PRKG1: variants seen among roughly 807,000 people sequenced by gnomAD.
The protein encoded by PRKG1 is cGMP-dependent protein kinase 1.
Under a neutral mutation model 88.1 loss-of-function variants are expected in PRKG1, and 35 were observed. That is an observed-to-expected ratio of 0.40 (90% confidence interval 0.30 to 0.53). The LOEUF is 0.53. PRKG1 is among the 20% of genes least tolerant of loss of function. The probability of loss-of-function intolerance (pLI) is 0.59; values close to 1 mark genes in which losing one functional copy is unlikely to be tolerated. For missense variants in PRKG1, 540 were observed against 839.8 expected (o/e 0.64, Z 4.41); for synonymous variants, 303 against 292.5 (o/e 1.04, Z -0.37).
chr10:51,606,320 A>G (rs531584725), intron 3 of PRKG1, among the ~76,000 whole-genome samples: 1 of 152,324 alleles, frequency 6.6e-6, no homozygotes, highest in East Asian at 1.9e-4. Context: ...TAAACCTGGT[A>G]ATCAAACTGG....
At chr10:51,232,874 T>C (rs1838883259) in intron 2 of PRKG1, among the ~76,000 whole-genome samples, 1 of 152,194 alleles carries the variant, frequency 6.6e-6, no homozygotes, top group South Asian at 2.1e-4. Flanking sequence ...TTTCCATTTC[T>C]AGCTATGATT....
intron 4 of PRKG1, among the ~76,000 whole-genome samples, chr10:51,885,014 A>T (rs952662610): frequency 1.5e-4 from 23 of 152,322 alleles, no homozygotes; most frequent in African/African-American, 5.3e-4. Flanking sequence ...TAAGGAATAG[A>T]CCCTTGAAAG....
At chr10:51,635,417 CA>C (rs1413666485) in intron 3 of PRKG1, among the ~76,000 whole-genome samples, 1 of 151,260 alleles carries the variant, frequency 6.6e-6, no homozygotes, top group Non-Finnish European at 1.5e-5. Context: ...AAAATAAGAG[CA>C]AAAATATTTT....
At chr10:51,979,291 A>C (rs1022642378) in intron 5 of PRKG1, among the ~76,000 whole-genome samples, 2 of 151,844 alleles carry the variant, frequency 1.3e-5, no homozygotes, top group African/African-American at 4.8e-5. Flanking sequence ...CCAACCTTGA[A>C]TCTTAGGGAT....
chr10:51,485,532 A>C (rs931745368), intron 3 of PRKG1, among the ~76,000 whole-genome samples: 2 of 152,208 alleles, frequency 1.3e-5, no homozygotes, highest in Non-Finnish European at 2.9e-5. Flanking sequence ...AAGTGATATT[A>C]TGAAGAAAGA....
intron 2 of PRKG1, among the ~76,000 whole-genome samples, chr10:51,340,131 C>T (rs1047593049): frequency 6.6e-6 from 1 of 152,146 alleles, no homozygotes; most frequent in Admixed American, 6.5e-5. Context: ...GAAATAGTTG[C>T]CACTTTGTTG....
chr10:52,039,341 T>C (rs1282718997), intron 5 of PRKG1, among the ~76,000 whole-genome samples: 1 of 152,008 alleles, frequency 6.6e-6, no homozygotes, highest in African/African-American at 2.4e-5. Context: ...GGGTGCTTTT[T>C]GAGCCAGGAT....
chr10:51,376,453 C>A (rs548618990), intron 2 of PRKG1, among the ~76,000 whole-genome samples: 1 of 152,122 alleles, frequency 6.6e-6, no homozygotes, highest in Admixed American at 6.5e-5. Context: ...GTCTTATTCT[C>A]CTGAGCAGTT....
At chr10:51,209,820 G>A (rs1327376863) in intron 2 of PRKG1, among the ~76,000 whole-genome samples, 1 of 152,098 alleles carries the variant, frequency 6.6e-6, no homozygotes, top group Non-Finnish European at 1.5e-5. Context: ...AATTCCCATT[G>A]TGCTCATATT....
chr10:51,503,835 A>G (rs1447917284), intron 3 of PRKG1, among the ~76,000 whole-genome samples: 1 of 152,158 alleles, frequency 6.6e-6, no homozygotes, highest in Non-Finnish European at 1.5e-5. Context: ...ATTTTTCTTT[A>G]CAGTGTTGAT....
intron 5 of PRKG1, among the ~76,000 whole-genome samples, chr10:51,948,539 TG>T (rs2133047501): frequency 9.0e-6 from 1 of 110,728 alleles, no homozygotes; most frequent in East Asian, 3.3e-4. Context: ...TGTGTGTGTG[TG>T]TGTGTGTGCG....
chr10:51,923,047 A>G (rs1342061395), intron 5 of PRKG1, among the ~76,000 whole-genome samples: 1 of 151,998 alleles, frequency 6.6e-6, no homozygotes, highest in African/African-American at 2.4e-5. Flanking sequence ...TAGTTTTATC[A>G]GTTTTTGCCT....
At chr10:51,149,553 A>G (rs531835625) in intron 1 of PRKG1, among the ~76,000 whole-genome samples, 2 of 152,294 alleles carry the variant, frequency 1.3e-5, no homozygotes, top group Admixed American at 1.3e-4. Context: ...AACATTTGAA[A>G]GAACTATTGC....
intron 7 of PRKG1, among the ~76,000 whole-genome samples, chr10:52,132,244 C>T (rs1359431138): frequency 1.3e-5 from 2 of 151,952 alleles, no homozygotes; most frequent in East Asian, 3.9e-4. Context: ...TAATATAATA[C>T]AACTCTACTA....
chr10:51,643,500 T>C lies in PRKG1; in HGVS notation c.593-161085T>C, dbSNP rs181231262. ...TATTCATTTTCATATTTAATAAAGCTCTTATACATTGGCAGCTTTTTTATA... is the reference window on the plus strand; with the variant it reads ...TATTCATTTTCATATTTAATAAAGCCCTTATACATTGGCAGCTTTTTTATA... On this transcript the variant is annotated intron_variant, in intron 3 of 17. Transcript: ENST00000373980. Among the ~76,000 whole-genome samples the C allele has an allele frequency of 1.4e-3, 210 of 152,316 alleles. 1 individual carries two copies. The highest frequency in any genetic ancestry group is 4.8e-3 in the African/African-American group (199 of 41,572).
intron 3 of PRKG1, among the ~76,000 whole-genome samples, chr10:51,722,960 C>T (rs1018389154): frequency 1.6e-4 from 25 of 152,142 alleles, no homozygotes; most frequent in African/African-American, 5.1e-4. Flanking sequence ...CCCAAATGAA[C>T]GTGTTCTCTG....
intron 1 of PRKG1, among the ~76,000 whole-genome samples, chr10:51,069,287 T>C (rs969632154): frequency 2.0e-5 from 3 of 152,034 alleles, no homozygotes; most frequent in Non-Finnish European, 4.4e-5. Flanking sequence ...TTTGAAATAG[T>C]ATAACTTGAA....
intron 3 of PRKG1, among the ~76,000 whole-genome samples, chr10:51,639,872 TA>T (rs1240565602): frequency 6.6e-6 from 1 of 152,182 alleles, no homozygotes; most frequent in African/African-American, 2.4e-5. Context: ...TGGAAGCATC[TA>T]AATTAATCAT....
intron 1 of PRKG1, among the ~76,000 whole-genome samples, chr10:51,086,967 T>C (rs1844269045): frequency 6.6e-6 from 1 of 152,214 alleles, no homozygotes; most frequent in East Asian, 1.9e-4. Context: ...TGAGATTCTC[T>C]GCAAGATGGT....
Sources: gnomAD v4.1 joint callset for allele counts (sites outside exome capture counted in the v4.1 genomes callset) on GRCh38, gnomAD v4.1.1 for gene constraint, MANE v1.5 for transcripts, NCBI Gene and HGNC (gene_info 2026-07-23, HGNC 2026-07-21) for gene names.